Variants in ARHGAP22 observed in about 807,000 individuals in gnomAD.
The protein encoded by ARHGAP22 is rho GTPase-activating protein 22.
A neutral mutation model predicts 59.1 loss-of-function variants in ARHGAP22; 48 were observed. That is an observed-to-expected ratio of 0.81 (90% CI 0.64 to 1.03). The LOEUF (loss-of-function observed/expected upper bound fraction) is 1.03, where lower values mean the gene tolerates loss of function less well. Among genes scored for constraint, ARHGAP22 ranks in the 50% least tolerant of loss-of-function variants. The pLI is 0.00. For missense variants in ARHGAP22, 1,015 were observed against 958.7 expected, an observed-to-expected ratio of 1.06 and a Z score of -0.78; for synonymous variants, 445 against 416.4, an observed-to-expected ratio of 1.07 and a Z score of -0.84.
intron 3 of ARHGAP22, among the ~76,000 whole-genome samples, chr10:48,495,767 G>A (rs1486543662): frequency 6.6e-6 from 1 of 152,250 alleles, no homozygotes; most frequent in African/African-American, 2.4e-5. Context: ...AGGTCACAAA[G>A]AGACAGTGGC....
At chr10:48,534,023 G>C (rs1465733310) in intron 3 of ARHGAP22, among the ~76,000 whole-genome samples, 1 of 152,242 alleles carries the variant, frequency 6.6e-6, no homozygotes, top group African/African-American at 2.4e-5. Flanking sequence ...AGCAAGCTGT[G>C]AGGTCTGCCA....
At chr10:48,500,013 T>A (rs1435907694) in intron 3 of ARHGAP22, among the ~76,000 whole-genome samples, 1 of 151,718 alleles carries the variant, frequency 6.6e-6, no homozygotes, top group African/African-American at 2.4e-5. Context: ...GAAAACATAG[T>A]GAAGTCCGAC....
chr10:48,549,784 T>G (rs1226508700), intron 3 of ARHGAP22, among the ~76,000 whole-genome samples: 1 of 152,112 alleles, frequency 6.6e-6, no homozygotes, highest in African/African-American at 2.4e-5. Flanking sequence ...GTGAGGCCCA[T>G]CTCATTCACC....
downstream of ARHGAP22, among the ~76,000 whole-genome samples, chr10:48,441,687 C>T (rs910844782): frequency 1.3e-5 from 2 of 152,082 alleles, no homozygotes; most frequent in Non-Finnish European, 2.9e-5. Context: ...CTCCTGACCT[C>T]GTGATCCACC....
chr10:48,499,695 C>T (rs542508139), intron 3 of ARHGAP22, among the ~76,000 whole-genome samples: 2 of 152,284 alleles, frequency 1.3e-5, no homozygotes, highest in African/African-American at 4.8e-5. Context: ...TTTCAGGGTA[C>T]TTGTTTATAT....
At chr10:48,501,111 A>C (rs1412180416) in intron 3 of ARHGAP22, among the ~76,000 whole-genome samples, 1 of 152,202 alleles carries the variant, frequency 6.6e-6, no homozygotes, top group Non-Finnish European at 1.5e-5. Flanking sequence ...GCCCAGCTAC[A>C]TATCCATAAA....
chr10:48,560,443 G>T (rs551791202), intron 2 of ARHGAP22, among the ~76,000 whole-genome samples: 31 of 152,156 alleles, frequency 2.0e-4, no homozygotes, highest in African/African-American at 7.5e-4. Context: ...CAATTATGTT[G>T]GGTATGGATA....
intron 3 of ARHGAP22, among the ~76,000 whole-genome samples, chr10:48,539,314 C>T (rs2055689777): frequency 2.4e-5 from 1 of 41,006 alleles, no homozygotes; most frequent in Non-Finnish European, 4.3e-5. Flanking sequence ...TTTTTTGAGA[C>T]GGAGTCTCGC....
chr10:48,438,009 A>G, the ARHGAP22 span: 5 of 152,250 alleles, frequency 3.3e-5, no homozygotes, highest in African/African-American at 7.2e-5. Flanking sequence ...GGTTTACACT[A>G]TTGGCCAGTA....
intron 2 of ARHGAP22, among the ~76,000 whole-genome samples, chr10:48,571,881 A>G (rs2058419082): frequency 6.6e-6 from 1 of 152,204 alleles, no homozygotes. Flanking sequence ...CCATTCAGAC[A>G]TTCTTACAGA....
chr10:48,549,411 G>T (rs751747700), intron 3 of ARHGAP22, among the ~76,000 whole-genome samples: 2 of 152,202 alleles, frequency 1.3e-5, no homozygotes, highest in Non-Finnish European at 2.9e-5. Flanking sequence ...TGGTGTGTCT[G>T]TCTGAGGCGG....
At chr10:48,609,219 C>T (rs1356805438), upstream of ARHGAP22, among the ~76,000 whole-genome samples, 2 of 152,222 alleles carry the variant, frequency 1.3e-5, no homozygotes, top group Admixed American at 6.5e-5. Context: ...CTGTTCTAGG[C>T]AGAGGATGCC....
At chr10:48,625,021 G>T (rs1161916251) in intron 1 of ARHGAP22, 1 of 152,216 alleles carries the variant, frequency 6.6e-6, no homozygotes, top group East Asian at 1.9e-4. Context: ...ATGGAGGTCT[G>T]CAGAGTCGTG....
At chr10:48,556,878 C>A (rs2135340848) in intron 2 of ARHGAP22, among the ~76,000 whole-genome samples, 1 of 152,240 alleles carries the variant, frequency 6.6e-6, no homozygotes, top group Admixed American at 6.5e-5. Flanking sequence ...TGCCTCTACC[C>A]CCATGTGTAC....
upstream of ARHGAP22, among the ~76,000 whole-genome samples, chr10:48,605,521 G>T (rs140448597): frequency 7.9e-5 from 12 of 152,284 alleles, no homozygotes; most frequent in East Asian, 2.3e-3. Flanking sequence ...AGGAATAAGA[G>T]GGCAGGAAGC....
At chr10:48,628,412 A>C (rs2061520735) in intron 1 of ARHGAP22, among the ~76,000 whole-genome samples, 1 of 152,216 alleles carries the variant, frequency 6.6e-6, no homozygotes, top group African/African-American at 2.4e-5. Context: ...CAGTGTGTGC[A>C]AGGTCACTGG....
At chr10:48,643,640 T>C (rs1040757209) in intron 1 of ARHGAP22, among the ~76,000 whole-genome samples, 2 of 151,216 alleles carry the variant, frequency 1.3e-5, no homozygotes, top group Non-Finnish European at 2.9e-5. Flanking sequence ...CATTAGGAGA[T>C]ATACCTAATG....
intron 1 of ARHGAP22, among the ~76,000 whole-genome samples, chr10:48,600,993 T>C (rs1550775): frequency 0.98 from 149,621 of 152,308 alleles, 73,556 homozygotes; most frequent in East Asian, 1. Context: ...ACGCCCCTTC[T>C]TCAGCATATC....
Position 48,553,613 on chromosome 10 carries a change from T to C in ARHGAP22, c.322+1850A>G, listed in dbSNP as rs554110935. Among the ~76,000 whole-genome samples the C allele has an allele frequency of 1.3e-4, 20 of 152,294 alleles. No homozygotes were observed. In the South Asian group the frequency reaches 4.1e-3, roughly 32 times the overall value. Reference sequence around the variant, plus strand: ...GACGACATTCCCTATCTTAGAGGGATGTTGGGAGTATTGTGGGAGGCAGAA... The same window carrying C: ...GACGACATTCCCTATCTTAGAGGGACGTTGGGAGTATTGTGGGAGGCAGAA... On this transcript the variant is annotated intron_variant, in intron 3 of 9. Transcript: ENST00000249601.
Sources: gnomAD v4.1 joint callset for allele counts (sites outside exome capture counted in the v4.1 genomes callset) on GRCh38, gnomAD v4.1.1 for gene constraint, MANE v1.5 for transcripts, NCBI Gene and HGNC (gene_info 2026-07-23, HGNC 2026-07-21) for gene names.